Variants in DENND11 observed in about 807,000 individuals in gnomAD.
DENND11 encodes the protein DENN domain-containing protein 11.
A neutral mutation model predicts 49.2 loss-of-function variants in DENND11; 34 were observed. That is an observed-to-expected ratio of 0.69 (90% CI 0.53 to 0.92). The LOEUF is 0.92. Ranked by LOEUF, DENND11 falls within the 40% of genes least tolerant of loss-of-function variation. DENND11 has a pLI of 0.00. For synonymous variants in DENND11, 238 were observed against 230.3 expected, an observed-to-expected ratio of 1.03 and a Z score of -0.30; for missense variants, 475 against 581.6, an observed-to-expected ratio of 0.82 and a Z score of 1.88.
chr7:141,672,175 CCATGGTTTTGCT>C (rs1292366140), intron 4 of DENND11, among the ~76,000 whole-genome samples: 1 of 152,196 alleles, frequency 6.6e-6, no homozygotes, highest in Non-Finnish European at 1.5e-5. Flanking sequence ...CTGCAGGCTC[CCATGGTTTTGCT>C]CATTCTGCTT....
At position 141,668,700 on chromosome 7, in the gene DENND11, G is replaced by A. The variant is rs562689175; in HGVS notation, c.682-2275C>T. ...TTCTTGGGACCTGCAAGTAGTTCAG[G>A]CCCTGTGCCCAGGCCCATGCCAGGG... is the stretch of plus-strand genomic sequence containing the variant. On this transcript the variant is annotated intron_variant, in intron 4 of 8. Transcript: ENST00000536163. Among the ~76,000 whole-genome samples the A allele has an allele frequency of 4.8e-4, 73 of 152,342 alleles. No homozygotes were observed. In the Middle Eastern group the frequency reaches 0.014, roughly 28 times the overall value.
intron 4 of DENND11, among the ~76,000 whole-genome samples, chr7:141,669,563 C>T (rs1020663337): frequency 2.0e-5 from 3 of 151,696 alleles, no homozygotes; most frequent in African/African-American, 4.8e-5. Flanking sequence ...TTTCTTTATA[C>T]GTGTGTTCAT....
intron 1 of DENND11, among the ~76,000 whole-genome samples, chr7:141,698,058 C>A (rs1191539105): frequency 6.6e-6 from 1 of 152,172 alleles, no homozygotes; most frequent in African/African-American, 2.4e-5. Context: ...CAGACACCCA[C>A]AATAAAACTC....
At chr7:141,676,889 A>C (rs1486496592) in intron 3 of DENND11, among the ~76,000 whole-genome samples, 1 of 152,206 alleles carries the variant, frequency 6.6e-6, no homozygotes, top group Non-Finnish European at 1.5e-5. Context: ...TGTAAAAACT[A>C]GAGAATAACC....
At chr7:141,674,451 A>C (rs1798034843) in intron 3 of DENND11, among the ~76,000 whole-genome samples, 1 of 152,200 alleles carries the variant, frequency 6.6e-6, no homozygotes, top group South Asian at 2.1e-4. Context: ...CTCCCTGACA[A>C]CACCATGGAA....
intron 4 of DENND11, among the ~76,000 whole-genome samples, chr7:141,670,759 G>A (rs992043250): frequency 2.0e-5 from 3 of 152,236 alleles, no homozygotes; most frequent in Non-Finnish European, 4.4e-5. Flanking sequence ...TGGGTTGCCA[G>A]CATTAAATGC....
chr7:141,664,037 G>C (rs1797846352), intron 8 of DENND11, 135 bp downstream of exon 8: 1 of 685,600 alleles, frequency 1.5e-6, no homozygotes, highest in Non-Finnish European at 2.5e-6. Flanking sequence ...CCTCTGTAAG[G>C]AGCCCGGCTC....
chr7:141,667,282 AG>A lies in DENND11; in HGVS notation c.682-858del, dbSNP rs557559962. Among the ~76,000 whole-genome samples, 618 of 152,292 alleles carry A rather than the reference AG, an allele frequency of 4.1e-3. 2 individuals carry two copies. Among genetic ancestry groups the A allele is most frequent in the African/African-American group, 0.014 (590 of 41,556 alleles). On this transcript the variant is annotated intron_variant, in intron 4 of 8. Coordinates refer to ENST00000536163, the MANE Select transcript of DENND11 (RefSeq NM_001080392.2). The stretch of plus-strand genomic sequence containing the variant: ...ATTGCCTTCTAGGAACACTGAGCCA[AG>A]GAGTATCATAGGGGTTAAGAGCATA...
At chr7:141,699,573 A>C (rs1182498839) in intron 1 of DENND11, among the ~76,000 whole-genome samples, 4 of 152,212 alleles carry the variant, frequency 2.6e-5, no homozygotes, top group Admixed American at 2.6e-4. Flanking sequence ...AACACAAGTT[A>C]CAAGTGCTCC....
At chr7:141,677,220 G>A (rs1486738671) in intron 3 of DENND11, among the ~76,000 whole-genome samples, 5 of 151,874 alleles carry the variant, frequency 3.3e-5, no homozygotes, top group Non-Finnish European at 7.4e-5. Flanking sequence ...GGGGCCAGAA[G>A]TTCGAGACCA....
At position 141,658,165 on chromosome 7, in the gene DENND11, A is replaced by G. The variant is rs1408157841; in HGVS notation, c.*4491T>C. 6.6e-6 allele frequency: 1 copy of G among 152,236 alleles called. No individual in the cohort carries two copies. Among genetic ancestry groups the G allele is most frequent in the African/African-American group, 2.4e-5 (1 of 41,458 alleles). 9.4% of individuals were successfully genotyped at this position (152,236 alleles called of 1,614,324 possible). A position where few individuals can be genotyped will look rare whatever the true frequency, so the allele number is the denominator to read the frequency against. ...TAGTTTTAAAATTTCCTTCCATTTC[A>G]GTATATGCATACTCAGTTCATCACA... On this transcript the variant is annotated 3_prime_UTR_variant, in exon 9 of 9. Coordinates refer to ENST00000536163, the MANE Select transcript of DENND11 (RefSeq NM_001080392.2).
chr7:141,688,367 C>T (rs187454600), intron 1 of DENND11, among the ~76,000 whole-genome samples: 4 of 152,318 alleles, frequency 2.6e-5, no homozygotes, highest in Non-Finnish European at 4.4e-5. Flanking sequence ...TCAGGGAATA[C>T]ACAATCTAGT....
intron 3 of DENND11, among the ~76,000 whole-genome samples, chr7:141,678,280 GAAAT>G (rs1302896655): frequency 2.0e-5 from 3 of 151,244 alleles, no homozygotes; most frequent in Non-Finnish European, 4.4e-5. Context: ...CTTTTTAAAA[GAAAT>G]AAAATAAAAT....
chr7:141,682,855 G>A (rs928612931), intron 3 of DENND11, among the ~76,000 whole-genome samples: 1 of 151,720 alleles, frequency 6.6e-6, no homozygotes, highest in Non-Finnish European at 1.5e-5. Context: ...TGCCTACTTG[G>A]AGAATTAGCT....
intron 4 of DENND11, among the ~76,000 whole-genome samples, chr7:141,671,239 C>T (rs745801807): frequency 1.4e-4 from 22 of 152,134 alleles, no homozygotes; most frequent in Non-Finnish European, 2.5e-4. Flanking sequence ...TGCAGTGGTG[C>T]GATGTTGGCT....
At chr7:141,695,016 T>A (rs959658507) in intron 1 of DENND11, among the ~76,000 whole-genome samples, 2 of 152,204 alleles carry the variant, frequency 1.3e-5, no homozygotes, top group East Asian at 3.8e-4. Context: ...CAGTTCCACA[T>A]TTACTAAGTA....
In DENND11 at chr7:141,662,284, G is replaced by A. The variant is rs1226536672; in HGVS notation, c.*372C>T. 4.9e-6 allele frequency: 1 copy of A among 202,142 alleles called. No individual in the cohort carries two copies. The highest frequency in any genetic ancestry group is 2.3e-5 in the African/African-American group (1 of 43,562). 12.5% of individuals were successfully genotyped at this position (202,142 alleles called of 1,614,324 possible). A position where few individuals can be genotyped will look rare whatever the true frequency, so the allele number is the denominator to read the frequency against. ...ACATCTAAGGCCACAGGGGACAGGT[G>A]GTTGTCTTATTCTCAAATACATCAA... On this transcript the variant is annotated 3_prime_UTR_variant, in exon 9 of 9. Coordinates refer to ENST00000536163, the MANE Select transcript of DENND11 (RefSeq NM_001080392.2).
At chr7:141,665,548 C>G (rs950977643) in intron 5 of DENND11, among the ~76,000 whole-genome samples, 2 of 152,154 alleles carry the variant, frequency 1.3e-5, no homozygotes, top group African/African-American at 4.8e-5. Context: ...AAACATTTCT[C>G]AGTCTTTCTC....
At chr7:141,662,922 T>C (rs1797826057) in intron 8 of DENND11, 71 bp from the exon 9 acceptor site, 1 of 1,159,088 alleles carries the variant, frequency 8.6e-7, no homozygotes, top group Non-Finnish European at 1.2e-6. Flanking sequence ...AATCCACATA[T>C]GGGGAACCAA....
Sources: allele counts gnomAD v4.1 joint callset (sites outside exome capture counted in the v4.1 genomes callset), GRCh38; gene constraint gnomAD v4.1.1; transcripts MANE v1.5; gene names NCBI Gene and HGNC (gene_info 2026-07-23, HGNC 2026-07-21).